PSME4: variants seen among roughly 807,000 people sequenced by gnomAD.
PSME4 encodes proteasome activator subunit 4.
PSME4 carries 89 observed loss-of-function variants against 253.9 expected under a neutral mutation model. The ratio of observed to expected loss-of-function variants is 0.35; its 90% CI spans 0.30 to 0.42. PSME4 has a LOEUF of 0.42. PSME4 is among the 10% of genes least tolerant of loss of function. The pLI is 1.00. For missense variants in PSME4, 2,014 were observed against 2,195.2 expected, an observed-to-expected ratio of 0.92 and a Z score of 1.65; for synonymous variants, 851 against 759.2, an observed-to-expected ratio of 1.12 and a Z score of -1.99.
chr2:53,874,295 C>A (rs773303263), intron 43 of PSME4, 44 bp downstream of exon 43: 1 of 1,568,986 alleles, frequency 6.4e-7, no homozygotes, highest in Non-Finnish European at 8.7e-7. Flanking sequence ...ATGATGGTTT[C>A]TTTAAATTGA....
At chr2:53,947,444 G>A (rs943815792) in intron 3 of PSME4, among the ~76,000 whole-genome samples, 3 of 152,178 alleles carry the variant, frequency 2.0e-5, no homozygotes, top group African/African-American at 4.8e-5. Context: ...GGTGGCTCAC[G>A]CCTGTAATCC....
At position 53,920,248 on chromosome 2, in the gene PSME4, G is replaced by A; in HGVS notation, c.2365C>T (p.Gln789Ter). Reference sequence around the variant, plus strand: ...TGCTGGAGTTTGACGAGCTCAGGCTGAAGAAAGGAGTCCAAAAGATAAAAG... The same window carrying A: ...TGCTGGAGTTTGACGAGCTCAGGCTAAAGAAAGGAGTCCAAAAGATAAAAG... ...FAFYLLDSFLQPELVKLQHCG... is the reference protein window; with the variant it reads ...FAFYLLDSFL The change falls in exon 19 of 47, where the codon CAG becomes TAG. Residue 789 changes from glutamine to a stop codon, truncating the protein, a stop_gained. Coordinates refer to ENST00000404125, the MANE Select transcript of PSME4 (RefSeq NM_014614.3). LOFTEE classifies it high-confidence loss of function. 2 of 1,613,796 alleles carry A rather than the reference G, an allele frequency of 1.2e-6. No homozygotes were observed. Among genetic ancestry groups the A allele is most frequent in the Non-Finnish European group, 1.7e-6 (2 of 1,179,788 alleles).
At chr2:53,872,514 G>C (rs1393129026) in intron 43 of PSME4, among the ~76,000 whole-genome samples, 1 of 151,876 alleles carries the variant, frequency 6.6e-6, no homozygotes, top group African/African-American at 2.4e-5. Flanking sequence ...GCCAAGGCGG[G>C]TAGATTGCTT....
chr2:53,950,933 A>C (rs1027781912), intron 1 of PSME4, among the ~76,000 whole-genome samples: 4 of 152,168 alleles, frequency 2.6e-5, no homozygotes, highest in Non-Finnish European at 5.9e-5. Flanking sequence ...AACTGATCCA[A>C]ATAAATTACT....
intron 1 of PSME4, among the ~76,000 whole-genome samples, chr2:53,949,610 C>T (rs1285689306): frequency 6.6e-6 from 1 of 152,072 alleles, no homozygotes; most frequent in East Asian, 1.9e-4. Flanking sequence ...TCATAAGCTA[C>T]AGCATGTATG....
intron 4 of PSME4, 128 bp from the exon 5 acceptor site, chr2:53,937,668 A>C: frequency 1.2e-6 from 1 of 840,778 alleles, no homozygotes; most frequent in Non-Finnish European, 1.9e-6. Flanking sequence ...CACAGTCTAC[A>C]AATGTCCAAA....
chr2:53,921,246 C>A (rs948341604), intron 17 of PSME4, 142 bp from the exon 18 acceptor site: 41 of 1,260,846 alleles, frequency 3.3e-5, no homozygotes, highest in Non-Finnish European at 4.3e-5. Context: ...ACTTTAACTG[C>A]ATTCTAATAA....
intron 1 of PSME4, among the ~76,000 whole-genome samples, chr2:53,950,577 C>T (rs1038900712): frequency 6.6e-6 from 1 of 152,170 alleles, no homozygotes; most frequent in Non-Finnish European, 1.5e-5. Context: ...CACAGTGGCT[C>T]ACGCCTATAA....
chr2:53,951,418 CTTT>C (rs529030023), intron 1 of PSME4, among the ~76,000 whole-genome samples: 5 of 152,180 alleles, frequency 3.3e-5, no homozygotes, highest in Non-Finnish European at 7.3e-5. Flanking sequence ...CATCTAACTG[CTTT>C]TTTATCTTCC....
At position 53,931,953 on chromosome 2, in the gene PSME4, T is replaced by G. The variant is rs572194286; in HGVS notation, c.1198A>C (p.Ile400Leu). 3.7e-6 allele frequency: 6 copies of G among 1,614,106 alleles called. No homozygotes were observed. The highest frequency in any genetic ancestry group is 5.1e-6 in the Non-Finnish European group (6 of 1,179,980). ...ATAGCCAAGAGGACAGGCTGAATAA[T>G]GCATTGTACAAAGTCTGTAACATCT... ...DQDVTDFVQC[I>L]IQPVLLAMFS... Residue 400 changes from isoleucine (I) to leucine (L), a missense_variant, in exon 10 of 47, where the codon ATT becomes CTT. Physicochemically the swap from Ile to Leu is conservative, Grantham distance 5. Coordinates refer to ENST00000404125, the MANE Select transcript of PSME4 (RefSeq NM_014614.3).
At chr2:53,934,818 T>C (rs1669028532) in intron 7 of PSME4, 91 bp from the exon 8 acceptor site, 2 of 981,964 alleles carry the variant, frequency 2.0e-6, no homozygotes, top group East Asian at 2.7e-5. Flanking sequence ...TTACTGAAGA[T>C]ATTTTCATTT....
intron 20 of PSME4, among the ~76,000 whole-genome samples, chr2:53,916,952 A>G (rs910931265): frequency 2.0e-5 from 3 of 151,950 alleles, no homozygotes; most frequent in African/African-American, 7.2e-5. Context: ...ACTTTATACA[A>G]TCATTATCCC....
In PSME4 at chr2:53,922,172, AAAAAGAAAAG is replaced by A. The variant is rs370610943; in HGVS notation, c.2046+335_2046+344del. Among the ~76,000 whole-genome samples, 342 of 152,032 alleles carry A rather than the reference AAAAAGAAAAG, an allele frequency of 2.2e-3. 4 individuals carry two copies. The highest frequency in any genetic ancestry group is 7.3e-3 in the African/African-American group (302 of 41,400). ...GGGCGATAGTGAGACAAAAAGAAGA[AAAAAGAAAAG>A]AAAAGAAAAGAAAAGAAAACTGAAG... On this transcript the variant is annotated intron_variant, in intron 17 of 46. Coordinates refer to ENST00000404125, the MANE Select transcript of PSME4 (RefSeq NM_014614.3).
At chr2:53,904,743 C>A (rs1680568892) in intron 26 of PSME4, among the ~76,000 whole-genome samples, 1 of 152,050 alleles carries the variant, frequency 6.6e-6, no homozygotes, top group African/African-American at 2.4e-5. Context: ...AATCCCAGCA[C>A]TTTGGGAGGC....
intron 43 of PSME4, among the ~76,000 whole-genome samples, chr2:53,874,105 G>C (rs1679014680): frequency 6.6e-6 from 1 of 152,142 alleles, no homozygotes; most frequent in South Asian, 2.1e-4. Flanking sequence ...GGGATCACAG[G>C]TGCACACCAT....
chr2:53,909,206 T>C (rs890313097), intron 21 of PSME4, among the ~76,000 whole-genome samples: 1 of 152,140 alleles, frequency 6.6e-6, no homozygotes, highest in Non-Finnish European at 1.5e-5. Context: ...TTAAAATACA[T>C]GGAATTTTCT....
chr2:53,936,938 T>C (rs970302314), intron 5 of PSME4, 111 bp from the exon 6 acceptor site: 5 of 693,478 alleles, frequency 7.2e-6, no homozygotes, highest in South Asian at 2.3e-5. Flanking sequence ...CTACGTTAAC[T>C]AGAAAAAACA....
At chr2:53,926,955 A>G in intron 12 of PSME4, among the ~76,000 whole-genome samples, 1 of 150,434 alleles carries the variant, frequency 6.6e-6, no homozygotes, top group Non-Finnish European at 1.5e-5. Flanking sequence ...CCTGGGTGAC[A>G]TAACAAGACT....
chr2:53,948,283 G>T (rs1669818715), intron 3 of PSME4, 138 bp downstream of exon 3: 1 of 664,132 alleles, frequency 1.5e-6, no homozygotes, highest in Non-Finnish European at 2.7e-6. Context: ...AATTGTTTCA[G>T]GAGTCAAATT....
Sources: gnomAD v4.1 joint callset for allele counts (sites outside exome capture counted in the v4.1 genomes callset) on GRCh38, gnomAD v4.1.1 for gene constraint, MANE v1.5 for transcripts, NCBI Gene and HGNC (gene_info 2026-07-23, HGNC 2026-07-21) for gene names.